CACNA1E: variants seen among roughly 807,000 people sequenced by gnomAD.
CACNA1E encodes voltage-dependent R-type calcium channel subunit alpha-1E.
Under a neutral mutation model 259.2 loss-of-function variants are expected in CACNA1E, and 40 were observed. The observed-to-expected ratio is 0.15, with a 90% CI of 0.12 to 0.20. The LOEUF (loss-of-function observed/expected upper bound fraction) is 0.20. CACNA1E is among the 10% of genes least tolerant of loss of function. CACNA1E has a pLI of 1.00. For synonymous variants in CACNA1E, 1,104 were observed against 1,138.5 expected (o/e 0.97, Z 0.61); for missense variants, 1,874 against 3,040.1 (o/e 0.62, Z 9.02).
At chr1:181,430,709 G>A (rs538403273) in intron 2 of CACNA1E, among the ~76,000 whole-genome samples, 1 of 152,346 alleles carries the variant, frequency 6.6e-6, no homozygotes, top group Admixed American at 6.5e-5. Flanking sequence ...TTTTCAGGCT[G>A]TCTTTCATTT....
At chr1:181,620,782 G>A (rs2103164219) in intron 6 of CACNA1E, among the ~76,000 whole-genome samples, 1 of 152,318 alleles carries the variant, frequency 6.6e-6, no homozygotes. Flanking sequence ...GAAATCCTAG[G>A]TGCCATAAAG....
At chr1:181,320,912 G>T (rs772575226) in intron 1 of CACNA1E, among the ~76,000 whole-genome samples, 2 of 152,174 alleles carry the variant, frequency 1.3e-5, no homozygotes, top group Non-Finnish European at 2.9e-5. Context: ...TTTAAAAAAA[G>T]AGGTTTATTT....
chr1:181,625,184 G>T (rs199936), intron 6 of CACNA1E, among the ~76,000 whole-genome samples: 1 of 151,276 alleles, frequency 6.6e-6, no homozygotes, highest in Non-Finnish European at 1.5e-5. Context: ...AGTAGATTTA[G>T]CATAACTCCT....
intron 1 of CACNA1E, among the ~76,000 whole-genome samples, chr1:181,327,490 T>G (rs2102583694): frequency 6.6e-6 from 1 of 152,332 alleles, no homozygotes; most frequent in South Asian, 2.1e-4. Context: ...TATCCAACAA[T>G]TTGTAATTTA....
At chr1:181,796,537 G>A in intron 46 of CACNA1E, 131 bp from the exon 47 acceptor site, 2 of 585,740 alleles carry the variant, frequency 3.4e-6, no homozygotes. Context: ...AATTTGGGGG[G>A]GGACACAAAC....
intron 1 of CACNA1E, among the ~76,000 whole-genome samples, chr1:181,500,686 A>T (rs1558059259): frequency 6.6e-6 from 1 of 152,234 alleles, no homozygotes; most frequent in Non-Finnish European, 1.5e-5. Flanking sequence ...GATATTTGAA[A>T]GCAGCTGTGA....
At chr1:181,608,511 G>A (rs564674135) in intron 6 of CACNA1E, among the ~76,000 whole-genome samples, 2 of 152,170 alleles carry the variant, frequency 1.3e-5, no homozygotes, top group African/African-American at 2.4e-5. Context: ...CTGGAGAAAT[G>A]GTTTGGGCAG....
intron 1 of CACNA1E, 139 bp downstream of exon 1, chr1:181,484,149 T>C (rs1663567240): frequency 2.4e-6 from 2 of 826,130 alleles, no homozygotes; most frequent in Middle Eastern, 2.7e-4. Context: ...CTTCGGTGCA[T>C]CTAAGGGGCA....
chr1:181,513,279 C>T (rs1413599418), intron 3 of CACNA1E, among the ~76,000 whole-genome samples: 1 of 152,176 alleles, frequency 6.6e-6, no homozygotes, highest in Admixed American at 6.5e-5. Flanking sequence ...TCCAGGCCTT[C>T]GATGCTAAGC....
chr1:181,524,100 G>T (rs1486248274), intron 3 of CACNA1E, among the ~76,000 whole-genome samples: 2 of 152,202 alleles, frequency 1.3e-5, no homozygotes, highest in African/African-American at 4.8e-5. Context: ...GTATGAGTTA[G>T]GTTGCTCATG....
intron 1 of CACNA1E, among the ~76,000 whole-genome samples, chr1:181,339,713 A>G (rs1019445234): frequency 1.3e-5 from 2 of 152,128 alleles, no homozygotes; most frequent in Admixed American, 6.5e-5. Context: ...CCTGGTTTCA[A>G]TATGCATTTC....
chr1:181,803,268 T>TTGA lies in CACNA1E; in HGVS notation c.*4436_*4437insATG, dbSNP rs56331840. On this transcript the variant is annotated 3_prime_UTR_variant, in exon 48 of 48. Transcript: ENST00000367573. ...AGGAAAGAAGGAAGAAGTGGGTCCC[T>TTGA]TGCAAGTGGCCAGACAGGGAATGAT... 0.15 allele frequency: 23,006 copies of TTGA among 152,196 alleles called. 2,872 individuals are homozygous for TTGA. The highest frequency in any genetic ancestry group is 0.36 in the East Asian group (1,844 of 5,170). 9.4% of individuals were successfully genotyped at this position (152,196 alleles called of 1,614,324 possible).
At chr1:181,680,573 C>T (rs1022998626) in intron 7 of CACNA1E, among the ~76,000 whole-genome samples, 5 of 152,202 alleles carry the variant, frequency 3.3e-5, no homozygotes, top group African/African-American at 1.2e-4. Flanking sequence ...CTGCTTCTCA[C>T]ACGCCCTGCC....
chr1:181,798,765 T>G lies in CACNA1E; in HGVS notation c.6873T>G (p.Pro2291=). 6.3e-7 allele frequency: 1 copy of G among 1,596,878 alleles called. No individual in the cohort carries two copies. Among genetic ancestry groups the G allele is most frequent in the Non-Finnish European group, 8.5e-7 (1 of 1,171,516 alleles). ...GHYRRRRRGG[P]GPGMMCGAVN... ...ATCGGCGGCGGAGGCGCGGGGGGCC[T>G]GGGCCAGGCATGATGTGTGGGGCTG... The change falls in exon 48 of 48, where the codon CCT becomes CCG. Residue 2291 remains proline, a synonymous_variant. Transcript: ENST00000367573. The surrounding 1 kb of genome is among the most constrained non-coding windows in gnomAD (Gnocchi z 4.2).
At chr1:181,424,494 C>T (rs915881279) in intron 2 of CACNA1E, among the ~76,000 whole-genome samples, 14 of 152,226 alleles carry the variant, frequency 9.2e-5, no homozygotes, top group African/African-American at 2.9e-4. Flanking sequence ...AGGTGGTGCG[C>T]GAGCAGCGCG....
chr1:181,365,845 A>C (rs1487765233), intron 1 of CACNA1E, among the ~76,000 whole-genome samples: 3 of 152,230 alleles, frequency 2.0e-5, no homozygotes, highest in Non-Finnish European at 4.4e-5. Context: ...AAGTGCTGGT[A>C]GCTACAGCAT....
chr1:181,384,233 G>T (rs904096850), intron 1 of CACNA1E, among the ~76,000 whole-genome samples: 1 of 152,098 alleles, frequency 6.6e-6, no homozygotes, highest in Non-Finnish European at 1.5e-5. Flanking sequence ...ACGGAGATGC[G>T]ATATCTATGC....
At chr1:181,472,853 T>C (rs1046105551) in intron 2 of CACNA1E, among the ~76,000 whole-genome samples, 1 of 152,198 alleles carries the variant, frequency 6.6e-6, no homozygotes, top group African/African-American at 2.4e-5. Flanking sequence ...GAGAGTGGCC[T>C]GAAAGTTTAA....
intron 6 of CACNA1E, among the ~76,000 whole-genome samples, chr1:181,590,566 A>C (rs965607734): frequency 6.6e-6 from 1 of 152,064 alleles, no homozygotes; most frequent in African/African-American, 2.4e-5. Flanking sequence ...AGGACCTGGG[A>C]TATCTTCTGA....
Sources: gnomAD v4.1 joint callset for allele counts (sites outside exome capture counted in the v4.1 genomes callset) on GRCh38, gnomAD v4.1.1 for gene constraint, Gnocchi (gnomAD v3.1) non-coding constraint, MANE v1.5 for transcripts, NCBI Gene and HGNC (gene_info 2026-07-23, HGNC 2026-07-21) for gene names.